Variants in ATOSA observed in about 807,000 individuals in gnomAD.
ATOSA encodes the protein atos homolog protein A.
At chr15:52,598,300 G>A in the ATOSA span, among the ~76,000 whole-genome samples, 86 of 152,254 alleles carry the variant, frequency 5.6e-4, no homozygotes, top group African/African-American at 2.0e-3. Flanking sequence ...GTCCTGGGCC[G>A]CAGGCTGGAC....
the ATOSA span, among the ~76,000 whole-genome samples, chr15:52,589,438 CAT>C: frequency 6.6e-6 from 1 of 152,134 alleles, no homozygotes; most frequent in African/African-American, 2.4e-5. Context: ...CCACCAAATA[CAT>C]ACAGTAAAAC....
the ATOSA span, among the ~76,000 whole-genome samples, chr15:52,585,480 T>C: frequency 6.6e-5 from 10 of 152,212 alleles, no homozygotes; most frequent in African/African-American, 2.4e-4. Flanking sequence ...AAATAGGTGC[T>C]CAAAGAAGAG....
chr15:52,615,740 T>C, the ATOSA span, among the ~76,000 whole-genome samples: 1 of 152,282 alleles, frequency 6.6e-6, no homozygotes, highest in South Asian at 2.1e-4. Flanking sequence ...TTTAAGACCA[T>C]TCAGAAAAGT....
At chr15:52,624,379 T>TC in the ATOSA span, among the ~76,000 whole-genome samples, 3 of 152,314 alleles carry the variant, frequency 2.0e-5, no homozygotes, top group East Asian at 5.8e-4. Context: ...TTTGTTCTCT[T>TC]CCCCAGAATT....
At chr15:52,607,515 G>A in the ATOSA span, among the ~76,000 whole-genome samples, 2 of 152,164 alleles carry the variant, frequency 1.3e-5, no homozygotes, top group Non-Finnish European at 2.9e-5. Context: ...TGGATTAGGA[G>A]TCAAGAGACT....
chr15:52,702,816 G>A, the ATOSA span, among the ~76,000 whole-genome samples: 2 of 144,290 alleles, frequency 1.4e-5, no homozygotes, highest in South Asian at 2.2e-4. Flanking sequence ...GGCAAAATAC[G>A]TGAATGGATA....
At chr15:52,583,697 T>TTTAAAAAAAGTTTTCC in the ATOSA span, among the ~76,000 whole-genome samples, 1 of 152,158 alleles carries the variant, frequency 6.6e-6, no homozygotes, top group Non-Finnish European at 1.5e-5. Flanking sequence ...TACCATGTCT[T>TTTAAAAAAAGTTTTCC]TTAAAAAAAG....
At chr15:52,651,918 T>C in the ATOSA span, 1 of 1,535,476 alleles carries the variant, frequency 6.5e-7, no homozygotes, top group Non-Finnish European at 8.7e-7. Flanking sequence ...CTGGAATCCT[T>C]GTATAAAGGA....
the ATOSA span, among the ~76,000 whole-genome samples, chr15:52,614,866 T>A: frequency 1.3e-5 from 2 of 152,060 alleles, no homozygotes; most frequent in African/African-American, 2.4e-5. Context: ...AAAATTAATA[T>A]TTTTGGATGT....
At chr15:52,663,634 T>C in the ATOSA span, among the ~76,000 whole-genome samples, 1 of 152,190 alleles carries the variant, frequency 6.6e-6, no homozygotes, top group African/African-American at 2.4e-5. Flanking sequence ...CAAAACTGTT[T>C]TTTCTGAGAC....
chr15:52,637,999 T>C, the ATOSA span, among the ~76,000 whole-genome samples: 1 of 152,228 alleles, frequency 6.6e-6, no homozygotes, highest in African/African-American at 2.4e-5. Context: ...TGCCTAGCTA[T>C]ACAATGTGGT....
chr15:52,640,028 G>C, the ATOSA span, among the ~76,000 whole-genome samples: 1 of 151,818 alleles, frequency 6.6e-6, no homozygotes, highest in African/African-American at 2.4e-5. Context: ...AAAGTGCTAG[G>C]ATTACAGGTG....
At chr15:52,651,266 T>C in the ATOSA span, among the ~76,000 whole-genome samples, 1 of 152,220 alleles carries the variant, frequency 6.6e-6, no homozygotes, top group Non-Finnish European at 1.5e-5. Flanking sequence ...GGTTGAATTA[T>C]GATGCTTTAT....
chr15:52,639,854 G>A, the ATOSA span, among the ~76,000 whole-genome samples: 230 of 152,090 alleles, frequency 1.5e-3, 1 homozygote, highest in Middle Eastern at 0.024. Flanking sequence ...GGGTTCAAGT[G>A]GTTCTCCTGC....
chr15:52,709,706 C>T, the ATOSA span: 2 of 152,606 alleles, frequency 1.3e-5, no homozygotes, highest in East Asian at 3.8e-4. Flanking sequence ...TCCCACTCCC[C>T]CTTTTCTCTG....
the ATOSA span, among the ~76,000 whole-genome samples, chr15:52,597,010 T>C: frequency 6.6e-6 from 1 of 152,122 alleles, no homozygotes. Flanking sequence ...ATAATTAAGA[T>C]GAAAATGACT....
the ATOSA span, among the ~76,000 whole-genome samples, chr15:52,602,260 T>C: frequency 1.3e-5 from 2 of 152,248 alleles, no homozygotes; most frequent in Admixed American, 6.5e-5. Flanking sequence ...TTTTCATATC[T>C]AGAATTTCTA....
At chr15:52,658,746 C>G in the ATOSA span, 1 of 300,352 alleles carries the variant, frequency 3.3e-6, no homozygotes, top group Non-Finnish European at 5.6e-6. Context: ...AGGAAGATTG[C>G]TTGAGGACAT....
the ATOSA span, among the ~76,000 whole-genome samples, chr15:52,675,046 GAGCA>G: frequency 1.3e-5 from 2 of 152,144 alleles, no homozygotes; most frequent in Non-Finnish European, 2.9e-5. Flanking sequence ...GAAGATTAGA[GAGCA>G]AGCAAGTAAT....
Sources: gnomAD v4.1 joint callset for allele counts (sites outside exome capture counted in the v4.1 genomes callset) on GRCh38, gnomAD v4.1.1 for gene constraint, MANE v1.5 for transcripts, NCBI Gene and HGNC (gene_info 2026-07-23, HGNC 2026-07-21) for gene names.